SHOC2: variants seen among roughly 807,000 people sequenced by gnomAD.
SHOC2 encodes SHOC2 leucine rich repeat scaffold protein.
SHOC2 carries 4 observed loss-of-function variants against 50.2 expected under a neutral mutation model. That is an observed-to-expected ratio of 0.08 (90% CI 0.04 to 0.18). SHOC2 has a LOEUF of 0.18. SHOC2 is among the 10% of genes least tolerant of loss of function. The probability of loss-of-function intolerance (pLI) is 1.00; values close to 1 mark genes in which losing one functional copy is unlikely to be tolerated. For synonymous variants in SHOC2, 218 were observed against 244.5 expected, an observed-to-expected ratio of 0.89 and a Z score of 1.01; for missense variants, 388 against 669.6, an observed-to-expected ratio of 0.58 and a Z score of 4.64.
At chr10:110,994,429 T>C (rs1311998389) in intron 3 of SHOC2, among the ~76,000 whole-genome samples, 4 of 152,222 alleles carry the variant, frequency 2.6e-5, no homozygotes, top group Non-Finnish European at 4.4e-5. Context: ...GACACATAAA[T>C]ATTTTCACAT....
chr10:110,999,841 A>T (rs1162801192), intron 3 of SHOC2, among the ~76,000 whole-genome samples: 1 of 152,034 alleles, frequency 6.6e-6, no homozygotes, highest in African/African-American at 2.4e-5. Context: ...TGCTTAGATA[A>T]AAGAGACTAT....
At chr10:110,976,201 C>T (rs1445064923) in intron 2 of SHOC2, among the ~76,000 whole-genome samples, 1 of 152,196 alleles carries the variant, frequency 6.6e-6, no homozygotes, top group Middle Eastern at 3.2e-3. Context: ...TGAGCTACCA[C>T]ACCCAGCCTC....
intron 2 of SHOC2, among the ~76,000 whole-genome samples, chr10:110,981,429 C>A (rs371488934): frequency 2.6e-5 from 4 of 152,298 alleles, no homozygotes; most frequent in South Asian, 2.1e-4. Flanking sequence ...CATTTCTCTC[C>A]AGTTCTGGGG....
In SHOC2 at chr10:111,013,052, T is replaced by C. The variant is rs1848596455; in HGVS notation, c.*1234T>C. The stretch of plus-strand genomic sequence containing the variant: ...TCATCTTTCCTTTCTTGGTAGTTGT[T>C]AATACAGTTATGGAAAAGAGGCACA... On this transcript the variant is annotated 3_prime_UTR_variant, in exon 9 of 9. Coordinates refer to ENST00000369452, the MANE Select transcript of SHOC2 (RefSeq NM_007373.4). 6.6e-6 allele frequency: 1 copy of C among 152,634 alleles called. No homozygotes were observed. The highest frequency in any genetic ancestry group is 1.5e-5 in the Non-Finnish European group (1 of 68,024). 9.5% of individuals were successfully genotyped at this position (152,634 alleles called of 1,614,324 possible). A position where few individuals can be genotyped will look rare whatever the true frequency, so the allele number is the denominator to read the frequency against.
rs1229188719 is a variant in SHOC2, at chr10:110,992,894, CCTA to C, written c.841+7133_841+7135del. ...TTCATCCTTCCAACCCTGAGTCTTT[CCTA>C]CTATTTTTTTTGCTACTTTGTTAAA... On this transcript the variant is annotated intron_variant, in intron 3 of 8. Coordinates refer to ENST00000369452, the MANE Select transcript of SHOC2 (RefSeq NM_007373.4). 2.6e-5 allele frequency among the ~76,000 whole-genome samples: 4 copies of C among 152,044 alleles called. No individual in the cohort carries two copies. The South Asian group carries it at 8.3e-4, about 32-fold the overall frequency.
intron 2 of SHOC2, among the ~76,000 whole-genome samples, chr10:110,967,910 T>TA (rs1360825429): frequency 6.6e-6 from 1 of 152,228 alleles, no homozygotes; most frequent in Non-Finnish European, 1.5e-5. Flanking sequence ...TTCTGACTGT[T>TA]ATGAGTATAG....
intron 2 of SHOC2, among the ~76,000 whole-genome samples, chr10:110,973,551 C>T (rs1273651948): frequency 6.6e-6 from 1 of 151,932 alleles, no homozygotes; most frequent in African/African-American, 2.4e-5. Flanking sequence ...GTCCTCATAT[C>T]ATAGAATGAG....
chr10:110,960,536 G>T (rs1847551397), intron 1 of SHOC2, among the ~76,000 whole-genome samples: 1 of 152,140 alleles, frequency 6.6e-6, no homozygotes, highest in Non-Finnish European at 1.5e-5. Flanking sequence ...TGACTTTGGT[G>T]CCTCAGTTTT....
At chr10:110,967,953 C>G (rs1199448609) in intron 2 of SHOC2, among the ~76,000 whole-genome samples, 1 of 152,038 alleles carries the variant, frequency 6.6e-6, no homozygotes, top group Non-Finnish European at 1.5e-5. Context: ...TTTGTGTGGA[C>G]ATTTGTTTTC....
In SHOC2 at chr10:111,011,901, A is replaced by C; in HGVS notation, c.*83A>C. The C allele has an allele frequency of 9.3e-7, 1 of 1,071,802 alleles. No homozygotes were observed. The highest frequency in any genetic ancestry group is 1.3e-5 in the South Asian group (1 of 77,818). The allele number at this position is 1,071,802 out of a possible 1,614,324, so 66.4% of individuals were successfully genotyped here. On this transcript the variant is annotated 3_prime_UTR_variant, in exon 9 of 9. Coordinates refer to ENST00000369452, the MANE Select transcript of SHOC2 (RefSeq NM_007373.4). ...TCTATATCTGTATCTATTTATGTAG[A>C]TATTGGTATATGGCAGATTTATAAA...
At chr10:110,998,702 C>A (rs1330586783) in intron 3 of SHOC2, among the ~76,000 whole-genome samples, 3 of 152,118 alleles carry the variant, frequency 2.0e-5, no homozygotes. Context: ...TTACATTTTT[C>A]TGCGTTATAG....
Position 110,995,422 on chromosome 10 carries a change from G to T in SHOC2, c.842-4993G>T, listed in dbSNP as rs543149647. 2.0e-5 allele frequency among the ~76,000 whole-genome samples: 3 copies of T among 152,308 alleles called. No individual in the cohort carries two copies. In the South Asian group the frequency reaches 6.2e-4, roughly 32 times the overall value. ...CAAATGCATTGGACTCAGTATGGAAGAAAAATGCAGTCCATGAGCACAACA... is the reference window on the plus strand; with the variant it reads ...CAAATGCATTGGACTCAGTATGGAATAAAAATGCAGTCCATGAGCACAACA... On this transcript the variant is annotated intron_variant, in intron 3 of 8. Transcript: ENST00000369452.
intron 1 of SHOC2, among the ~76,000 whole-genome samples, chr10:110,938,919 G>A (rs1411149894): frequency 1.3e-5 from 2 of 152,172 alleles, no homozygotes; most frequent in Non-Finnish European, 2.9e-5. Flanking sequence ...AACTGTGGTA[G>A]TATGTTTTCT....
At chr10:110,956,419 G>A (rs1847464625) in intron 1 of SHOC2, among the ~76,000 whole-genome samples, 1 of 152,148 alleles carries the variant, frequency 6.6e-6, no homozygotes, top group South Asian at 2.1e-4. Flanking sequence ...GTTTCACCAT[G>A]TTGGCCAAGC....
intron 1 of SHOC2, among the ~76,000 whole-genome samples, chr10:110,933,530 A>G (rs1846936046): frequency 6.6e-6 from 1 of 152,226 alleles, no homozygotes; most frequent in Non-Finnish European, 1.5e-5. Flanking sequence ...ACAGGAGACC[A>G]GGCAGGTAAC....
chr10:110,959,697 G>A (rs1053542695), intron 1 of SHOC2, among the ~76,000 whole-genome samples: 9 of 152,132 alleles, frequency 5.9e-5, no homozygotes, highest in African/African-American at 1.9e-4. Flanking sequence ...TTCTAAGCTC[G>A]CCAGATGATT....
At chr10:110,995,551 AT>A (rs1295566588) in intron 3 of SHOC2, among the ~76,000 whole-genome samples, 1 of 152,182 alleles carries the variant, frequency 6.6e-6, no homozygotes, top group Non-Finnish European at 1.5e-5. Context: ...TTGAAGGCAG[AT>A]TTGTTGATAG....
intron 1 of SHOC2, among the ~76,000 whole-genome samples, chr10:110,957,710 C>T (rs1485974914): frequency 6.6e-6 from 1 of 152,132 alleles, no homozygotes; most frequent in African/African-American, 2.4e-5. Context: ...ATCCCCTCAA[C>T]TTTAAATTAA....
chr10:110,987,388 C>T (rs1011851583), intron 3 of SHOC2, among the ~76,000 whole-genome samples: 4 of 152,100 alleles, frequency 2.6e-5, no homozygotes, highest in East Asian at 3.8e-4. Flanking sequence ...TACAGAAAAG[C>T]AAGCTGAGAC....
Sources: allele counts gnomAD v4.1 joint callset (sites outside exome capture counted in the v4.1 genomes callset), GRCh38; gene constraint gnomAD v4.1.1; transcripts MANE v1.5; gene names NCBI Gene and HGNC (gene_info 2026-07-23, HGNC 2026-07-21).